Variants in SPECC1L observed in about 807,000 individuals in gnomAD.
SPECC1L encodes the protein cytospin-A.
A neutral mutation model predicts 116.8 loss-of-function variants in SPECC1L; 40 were observed. The ratio of observed to expected loss-of-function variants is 0.34; its 90% confidence interval spans 0.27 to 0.45. SPECC1L has a LOEUF of 0.45. Among genes scored for constraint, SPECC1L ranks in the 20% least tolerant of loss-of-function variants. The pLI, the probability that SPECC1L is intolerant of heterozygous loss-of-function variation, is 1.00. For missense variants in SPECC1L, 1,110 were observed against 1,373.6 expected, an observed-to-expected ratio of 0.81 and a Z score of 3.03; for synonymous variants, 504 against 500.6, an observed-to-expected ratio of 1.01 and a Z score of -0.09.
chr22:24,412,279 C>T (rs575077386), intron 15 of SPECC1L: 2 of 384,654 alleles, frequency 5.2e-6, no homozygotes, highest in African/African-American at 2.1e-5. Context: ...CATGTCAGCC[C>T]CCAGCCCTGC....
chr22:24,371,864 A>G (rs889007226), intron 14 of SPECC1L, among the ~76,000 whole-genome samples: 3 of 152,086 alleles, frequency 2.0e-5, no homozygotes, highest in African/African-American at 7.2e-5. Context: ...TGGGATTACA[A>G]ACGTGTGCTA....
intron 10 of SPECC1L, among the ~76,000 whole-genome samples, chr22:24,339,031 T>G (rs1473546236): frequency 2.6e-5 from 4 of 152,244 alleles, no homozygotes; most frequent in African/African-American, 9.6e-5. Flanking sequence ...AGAACAGTTT[T>G]GTTAGTTTTC....
intron 2 of SPECC1L, among the ~76,000 whole-genome samples, chr22:24,279,420 G>A (rs2048899290): frequency 6.6e-6 from 1 of 152,082 alleles, no homozygotes; most frequent in Non-Finnish European, 1.5e-5. Flanking sequence ...TTAGAGACAA[G>A]GTTTCACTAT....
intron 2 of SPECC1L, among the ~76,000 whole-genome samples, chr22:24,280,925 A>T (rs1422503917): frequency 6.6e-6 from 1 of 152,138 alleles, no homozygotes; most frequent in East Asian, 1.9e-4. Context: ...ACCATTTAAA[A>T]ATGCAAAACA....
At chr22:24,388,547 C>T (rs370516706) in intron 14 of SPECC1L, among the ~76,000 whole-genome samples, 5 of 151,924 alleles carry the variant, frequency 3.3e-5, no homozygotes, top group South Asian at 2.1e-4. Flanking sequence ...AATAAACATA[C>T]GTGTGCATGT....
Position 24,321,447 on chromosome 22 carries a change from G to C in SPECC1L, c.467G>C (p.Ser156Thr). 1 of 1,614,260 alleles carries C rather than the reference G, an allele frequency of 6.2e-7. No homozygotes were observed. The highest frequency in any genetic ancestry group is 8.5e-7 in the Non-Finnish European group (1 of 1,180,048). The stretch of plus-strand genomic sequence containing the variant: ...ATGGCATTGGCCAAACGTTCCCGCA[G>C]TCGAACTGCTACAGAATGTGACGTT... ...NDMALAKRSR[S>T]RTATECDVRM... The change falls in exon 5 of 17, where the codon AGT becomes ACT. Residue 156 changes from serine to threonine, a missense_variant. Ser to Thr is a moderately conservative substitution (Grantham distance 58). Around this residue, in one of 4 missense-constraint regions of SPECC1L, gnomAD observed 437 missense variants for 482.6 expected, o/e 0.91. Coordinates refer to ENST00000314328, the MANE Select transcript of SPECC1L (RefSeq NM_015330.6).
rs775804377 is a variant in SPECC1L at position 24,324,216 on chromosome 22, G to A, written c.1939-4G>A. 3.3e-5 allele frequency: 53 copies of A among 1,612,246 alleles called. No individual in the cohort carries two copies. Among genetic ancestry groups the A allele is most frequent in the East Asian group, 4.5e-5 (2 of 44,874 alleles). Reference sequence around the variant, plus strand: ...TCTAAATCTGCATCGTCAATTTTACGTAGGTAGAGGATGAATACCGAGCCT... The same window carrying A: ...TCTAAATCTGCATCGTCAATTTTACATAGGTAGAGGATGAATACCGAGCCT... On this transcript the variant is annotated splice_polypyrimidine_tract_variant and splice_region_variant and intron_variant, in intron 5 of 16. Transcript: ENST00000314328.
chr22:24,373,716 C>T (rs1260352591), intron 14 of SPECC1L, among the ~76,000 whole-genome samples: 1 of 152,130 alleles, frequency 6.6e-6, no homozygotes, highest in Non-Finnish European at 1.5e-5. Flanking sequence ...TAGGCATGGG[C>T]AAGGACTTCA....
At chr22:24,386,593 ATTG>A (rs1214405203) in intron 14 of SPECC1L, among the ~76,000 whole-genome samples, 2 of 150,078 alleles carry the variant, frequency 1.3e-5, no homozygotes, top group East Asian at 1.9e-4. Flanking sequence ...AATTATTATT[ATTG>A]TTATTATTAT....
intron 11 of SPECC1L, among the ~76,000 whole-genome samples, 168 bp from the exon 12 acceptor site, chr22:24,363,093 G>C (rs1601608843): frequency 6.6e-6 from 1 of 152,184 alleles, no homozygotes; most frequent in South Asian, 2.1e-4. Flanking sequence ...CTGTGTATAC[G>C]TGAGTTGTTT....
At chr22:24,289,229 A>T (rs574594220) in intron 2 of SPECC1L, among the ~76,000 whole-genome samples, 10 of 152,262 alleles carry the variant, frequency 6.6e-5, no homozygotes, top group African/African-American at 2.4e-4. Context: ...GAGACGCAAA[A>T]TTTTTTGCAT....
At chr22:24,387,868 G>A (rs1425414504) in intron 14 of SPECC1L, among the ~76,000 whole-genome samples, 1 of 152,140 alleles carries the variant, frequency 6.6e-6, no homozygotes, top group East Asian at 1.9e-4. Flanking sequence ...AGCTTTAGGG[G>A]AGAATCTATT....
intron 14 of SPECC1L, among the ~76,000 whole-genome samples, chr22:24,403,066 G>A (rs1363935828): frequency 6.6e-6 from 1 of 152,184 alleles, no homozygotes; most frequent in African/African-American, 2.4e-5. Flanking sequence ...GAGTCTTTAT[G>A]AGGGTAGAAA....
intron 1 of SPECC1L, among the ~76,000 whole-genome samples, chr22:24,276,397 T>G (rs1218148409): frequency 6.6e-6 from 1 of 152,120 alleles, no homozygotes; most frequent in Middle Eastern, 3.2e-3. Flanking sequence ...CACACCACTG[T>G]TCTCCAGCCT....
intron 4 of SPECC1L, among the ~76,000 whole-genome samples, chr22:24,317,653 C>T (rs561064019): frequency 0.04 from 6,003 of 150,800 alleles, 360 homozygotes; most frequent in African/African-American, 0.14. Context: ...GCTGGCCAGG[C>T]GGGGGGCTGA....
chr22:24,389,414 A>G (rs1212464447), intron 14 of SPECC1L, among the ~76,000 whole-genome samples: 2 of 152,052 alleles, frequency 1.3e-5, no homozygotes, highest in African/African-American at 2.4e-5. Flanking sequence ...TGTCTGGCCA[A>G]TAATACTTCT....
At chr22:24,275,959 C>G (rs1342384828) in intron 1 of SPECC1L, among the ~76,000 whole-genome samples, 1 of 152,142 alleles carries the variant, frequency 6.6e-6, no homozygotes. Flanking sequence ...GCAAACCTCC[C>G]GCCTTGGCCA....
rs1375466131 is a variant in SPECC1L at position 24,316,934 on chromosome 22, C to T, written c.307+3468C>T. Among the ~76,000 whole-genome samples, 13 of 106,756 alleles carry T rather than the reference C, an allele frequency of 1.2e-4. 3 individuals carry two copies. Among genetic ancestry groups the T allele is most frequent in the African/African-American group, 3.1e-4 (9 of 29,128 alleles). 70.0% of individuals were successfully genotyped at this position (106,756 alleles called of 152,430 possible). On this transcript the variant is annotated intron_variant, in intron 4 of 16. Transcript: ENST00000314328. ...TGACCCCCCCAACCTCCCTCCCAGA[C>T]GGGGCGGCTGGCCGGGCCGAGGAGC...
chr22:24,387,862 T>C (rs2042189604), intron 14 of SPECC1L, among the ~76,000 whole-genome samples: 1 of 152,170 alleles, frequency 6.6e-6, no homozygotes, highest in African/African-American at 2.4e-5. Context: ...TTCTCAAGCT[T>C]TAGGGGAGAA....
Sources: allele counts gnomAD v4.1 joint callset (sites outside exome capture counted in the v4.1 genomes callset), GRCh38; gene constraint gnomAD v4.1.1; regional missense constraint gnomAD v4.1.1; transcripts MANE v1.5; gene names NCBI Gene and HGNC (gene_info 2026-07-23, HGNC 2026-07-21).